DMD: variants seen among roughly 807,000 people sequenced by gnomAD.
DMD encodes dystrophin.
A neutral mutation model predicts 330.1 loss-of-function variants in DMD; 63 were observed. The observed-to-expected ratio is 0.19, with a 90% CI of 0.16 to 0.24. The LOEUF (loss-of-function observed/expected upper bound fraction) is 0.24, where lower values mean the gene tolerates loss of function less well. DMD is among the 10% of genes least tolerant of loss of function. The pLI, the probability that DMD is intolerant of heterozygous loss-of-function variation, is 1.00. For synonymous variants in DMD, 1,223 were observed against 959.8 expected, an observed-to-expected ratio of 1.27 and a Z score of -5.07; for missense variants, 3,344 against 2,684.1, an observed-to-expected ratio of 1.25 and a Z score of -5.43.
chrX:32,941,036 A>C (rs1811168820), intron 2 of DMD, among the ~76,000 whole-genome samples: 1 of 112,248 alleles, frequency 8.9e-6, no homozygotes, highest in South Asian at 3.7e-4. Flanking sequence ...GTAGCCTACA[A>C]GCATATGAAA....
chrX:31,672,575 T>A (rs1359419752), intron 53 of DMD, among the ~76,000 whole-genome samples: 1 of 112,357 alleles, frequency 8.9e-6, no homozygotes, highest in African/African-American at 3.2e-5. Context: ...TTTCTGTATT[T>A]CCTTAATATT....
Position 32,563,909 on chromosome X carries a change from C to T in DMD, c.1992+1793G>A, listed in dbSNP as rs925610166. Among the ~76,000 whole-genome samples the T allele has an allele frequency of 4.5e-5, 5 of 111,529 alleles. No individual in the cohort carries two copies. In the Admixed American group the frequency reaches 4.8e-4, roughly 11 times the overall value. On this transcript the variant is annotated intron_variant, in intron 16 of 78. Coordinates refer to ENST00000357033, the MANE Select transcript of DMD (RefSeq NM_004006.3). ...CAGGAGTACATATGAAGGTTTGTTA[C>T]ATAGGTAAATGTGTGTCACAGGGGT...
intron 1 of DMD, among the ~76,000 whole-genome samples, chrX:33,114,203 G>A (rs1054317250): frequency 1.6e-4 from 17 of 106,651 alleles, no homozygotes; most frequent in African/African-American, 5.1e-4. Context: ...TCCACCTCCC[G>A]GGTTCAAGCG....
intron 44 of DMD, among the ~76,000 whole-genome samples, chrX:32,073,840 G>A (rs1290245375): frequency 9.0e-6 from 1 of 111,079 alleles, no homozygotes; most frequent in South Asian, 3.8e-4. Flanking sequence ...TTAAGTATAA[G>A]AACCCATTTC....
intron 43 of DMD, among the ~76,000 whole-genome samples, chrX:32,229,613 A>G (rs1368230361): frequency 1.1e-5 from 1 of 94,192 alleles, no homozygotes; most frequent in Admixed American, 1.2e-4. Flanking sequence ...ACCTTAATGA[A>G]GTATGATTGA....
At chrX:32,077,106 A>G (rs1160056963) in intron 44 of DMD, among the ~76,000 whole-genome samples, 1 of 111,634 alleles carries the variant, frequency 9.0e-6, no homozygotes, top group Non-Finnish European at 1.9e-5. Context: ...GGCAAAATTA[A>G]TCTATGGTAT....
intron 44 of DMD, among the ~76,000 whole-genome samples, chrX:32,083,373 T>C (rs955114012): frequency 9.1e-6 from 1 of 110,200 alleles, no homozygotes; most frequent in Non-Finnish European, 1.9e-5. Flanking sequence ...TTCTCCTGCC[T>C]CAGCCTCCCG....
chrX:32,565,680 CATG>C lies in DMD; in HGVS notation c.1992+19_1992+21del. 5.0e-6 allele frequency: 6 copies of C among 1,199,474 alleles called. No homozygotes were observed. Among genetic ancestry groups the C allele is most frequent in the African/African-American group, 3.5e-5 (2 of 57,570 alleles). On this transcript the variant is annotated intron_variant, in intron 16 of 78. Coordinates refer to ENST00000357033, the MANE Select transcript of DMD (RefSeq NM_004006.3). ...AAAAAATCTCTGAGATAGTCTGTAGCATGATAATTGGTATCACTAACCTGTGCT... is the reference window on the plus strand; with the variant it reads ...AAAAAATCTCTGAGATAGTCTGTAGCATAATTGGTATCACTAACCTGTGCT...
chrX:31,582,149 A>AG (rs1204026389), intron 55 of DMD, among the ~76,000 whole-genome samples: 2 of 111,921 alleles, frequency 1.8e-5, no homozygotes, highest in African/African-American at 6.5e-5. Flanking sequence ...ACAAAGTTTT[A>AG]GGGGGCGTGT....
intron 44 of DMD, among the ~76,000 whole-genome samples, chrX:32,075,488 C>G (rs937137617): frequency 8.9e-6 from 1 of 111,813 alleles, no homozygotes; most frequent in Admixed American, 9.5e-5. Context: ...CATGCAGATA[C>G]TTATTTTTTG....
chrX:31,256,870 CT>C (rs1260441445), intron 63 of DMD, among the ~76,000 whole-genome samples: 4 of 109,666 alleles, frequency 3.6e-5, no homozygotes. Context: ...GACGAAGAAA[CT>C]TTTTTACCAA....
chrX:32,100,664 G>A lies in DMD; in HGVS notation c.6438+116252C>T, dbSNP rs184014125. ...CCTTTTCTTTGGAGGGTTTTTCTTC[G>A]CCTCCTCTTTCCTGACTAAAGTTTC... On this transcript the variant is annotated intron_variant, in intron 44 of 78. Transcript: ENST00000357033. 3.9e-3 allele frequency among the ~76,000 whole-genome samples: 424 copies of A among 110,119 alleles called. 1 individual carries two copies. The highest frequency in any genetic ancestry group is 6.8e-3 in the Non-Finnish European group (360 of 52,784).
intron 9 of DMD, among the ~76,000 whole-genome samples, chrX:32,665,320 A>G (rs895486382): frequency 1.8e-5 from 2 of 111,345 alleles, no homozygotes; most frequent in Admixed American, 9.7e-5. Context: ...TTTCTGTACC[A>G]CTGAACCTTA....
At chrX:31,867,207 GT>G (rs202054815) in intron 48 of DMD, among the ~76,000 whole-genome samples, 1,720 of 98,330 alleles carry the variant, frequency 0.017, 9 homozygotes, top group African/African-American at 0.032. Context: ...TGCAAAATTT[GT>G]TTTTTTTTTT....
intron 47 of DMD, among the ~76,000 whole-genome samples, chrX:31,900,941 C>A (rs1305484335): frequency 9.0e-6 from 1 of 111,507 alleles, no homozygotes; most frequent in Admixed American, 9.6e-5. Context: ...TGAGTCCCTC[C>A]CCTGTGAGTG....
At chrX:31,671,386 C>T (rs1201833333) in intron 53 of DMD, among the ~76,000 whole-genome samples, 1 of 112,514 alleles carries the variant, frequency 8.9e-6, no homozygotes, top group African/African-American at 3.2e-5. Context: ...ACCAACCTTA[C>T]ATTCCTGTGA....
chrX:31,410,777 C>T lies in DMD; in HGVS notation c.9084+33704G>A, dbSNP rs370578858. On this transcript the variant is annotated intron_variant, in intron 60 of 78. Transcript: ENST00000357033. ...TTTATGAGATGGAATCTCACTCTGT[C>T]ACTCAGGCTGGAGTGAAGTGGTGCG... Among the ~76,000 whole-genome samples, 16 of 109,354 alleles carry T rather than the reference C, an allele frequency of 1.5e-4. No individual in the cohort carries two copies. In the East Asian group the frequency reaches 1.7e-3, roughly 12 times the overall value. 95.0% of individuals were successfully genotyped at this position (109,354 alleles called of 115,157 possible).
At chrX:32,383,779 A>G (rs979844530) in intron 33 of DMD, among the ~76,000 whole-genome samples, 5 of 110,599 alleles carry the variant, frequency 4.5e-5, no homozygotes, top group African/African-American at 1.6e-4. Flanking sequence ...CATTACGAGA[A>G]TCATTCATTT....
At chrX:31,792,072 G>T (rs2091596876) in intron 50 of DMD, among the ~76,000 whole-genome samples, 1 of 110,981 alleles carries the variant, frequency 9.0e-6, no homozygotes, top group Admixed American at 9.6e-5. Context: ...TTACTTAGGA[G>T]TTAAGGGATT....
Sources: gnomAD v4.1 joint callset for allele counts (sites outside exome capture counted in the v4.1 genomes callset) on GRCh38, gnomAD v4.1.1 for gene constraint, MANE v1.5 for transcripts, NCBI Gene and HGNC (gene_info 2026-07-23, HGNC 2026-07-21) for gene names.